ARHGAP25: variants seen among roughly 807,000 people sequenced by gnomAD.
ARHGAP25 encodes the protein rho GTPase-activating protein 25.
Under a neutral mutation model 71.0 loss-of-function variants are expected in ARHGAP25, and 34 were observed. That is an observed-to-expected ratio of 0.48 (90% CI 0.36 to 0.64). ARHGAP25 has a LOEUF of 0.64. Ranked by LOEUF, ARHGAP25 falls within the 30% of genes least tolerant of loss-of-function variation. ARHGAP25 has a pLI of 0.00. For missense variants in ARHGAP25, 706 were observed against 805.1 expected, an observed-to-expected ratio of 0.88 and a Z score of 1.49; for synonymous variants, 282 against 296.5, an observed-to-expected ratio of 0.95 and a Z score of 0.50.
At chr2:68,771,554 C>A (rs1051459237) in intron 1 of ARHGAP25, among the ~76,000 whole-genome samples, 1 of 152,166 alleles carries the variant, frequency 6.6e-6, no homozygotes, top group African/African-American at 2.4e-5. Flanking sequence ...GGCCCCCAGA[C>A]TTTCTTCTCT....
intron 6 of ARHGAP25, among the ~76,000 whole-genome samples, chr2:68,815,996 T>C (rs1681198744): frequency 1.3e-5 from 2 of 152,144 alleles, no homozygotes; most frequent in Admixed American, 1.3e-4. Flanking sequence ...AACGTATGAG[T>C]TGTTAAACAG....
chr2:68,733,984 C>G (rs1197622413), upstream of ARHGAP25, among the ~76,000 whole-genome samples: 2 of 152,180 alleles, frequency 1.3e-5, no homozygotes, highest in African/African-American at 4.8e-5. Flanking sequence ...AGCAGGAAAG[C>G]CAGGATTTGA....
At chr2:68,790,535 A>G (rs1022408032) in intron 4 of ARHGAP25, among the ~76,000 whole-genome samples, 2 of 152,204 alleles carry the variant, frequency 1.3e-5, no homozygotes, top group Non-Finnish European at 2.9e-5. Flanking sequence ...TGGGTTGACT[A>G]GATGGGAAAG....
At chr2:68,727,006 A>G (rs1297496090) in intron 2 of ARHGAP25, among the ~76,000 whole-genome samples, 1 of 152,174 alleles carries the variant, frequency 6.6e-6, no homozygotes, top group Non-Finnish European at 1.5e-5. Flanking sequence ...TTTTAAAAAG[A>G]TATAGACTAT....
In ARHGAP25 at chr2:68,738,908, T is replaced by C. The variant is rs973352319; in HGVS notation, c.61+3648T>C. ...GGGAGCTGTTCCTTCCAGGGCCCAC[T>C]CTATTTTTATGCAGAGGTTACATTG... is the stretch of plus-strand genomic sequence containing the variant. On this transcript the variant is annotated intron_variant, in intron 1 of 10. Coordinates refer to ENST00000409202, the MANE Select transcript of ARHGAP25 (RefSeq NM_001007231.3). Among the ~76,000 whole-genome samples the C allele has an allele frequency of 7.2e-5, 11 of 151,962 alleles. No individual in the cohort carries two copies. The South Asian group carries it at 2.3e-3, about 32-fold the overall frequency.
chr2:68,740,731 A>G (rs1464043821), intron 1 of ARHGAP25, among the ~76,000 whole-genome samples: 2 of 152,234 alleles, frequency 1.3e-5, no homozygotes, highest in Non-Finnish European at 2.9e-5. Flanking sequence ...CTGAACATGC[A>G]TATATGAGTC....
In ARHGAP25 at chr2:68,735,103, A is replaced by C; in HGVS notation, c.-97A>C. On this transcript the variant is annotated 5_prime_UTR_variant, in exon 1 of 11. Coordinates refer to ENST00000409202, the MANE Select transcript of ARHGAP25 (RefSeq NM_001007231.3). ...AGCAATCATAAGGAGGAACAAAAAC[A>C]GACACAAAAACAGAGGGAAAGAGTG... 9.2e-7 allele frequency: 1 copy of C among 1,083,112 alleles called. No homozygotes were observed. Among genetic ancestry groups the C allele is most frequent in the Admixed American group, 1.7e-5 (1 of 58,624 alleles). The allele number at this position is 1,083,112 out of a possible 1,614,324, so 67.1% of individuals were successfully genotyped here.
chr2:68,792,702 A>G (rs10188262), intron 4 of ARHGAP25, among the ~76,000 whole-genome samples: 4,626 of 152,262 alleles, frequency 0.03, 246 homozygotes, highest in African/African-American at 0.1. Context: ...TTGATTCCAT[A>G]TCTTTGCCAT....
intron 2 of ARHGAP25, among the ~76,000 whole-genome samples, chr2:68,719,862 C>T (rs1230613930): frequency 1.3e-5 from 2 of 152,138 alleles, no homozygotes; most frequent in African/African-American, 2.4e-5. Context: ...TGGGTCCCAG[C>T]CTCTGACCTT....
intron 1 of ARHGAP25, among the ~76,000 whole-genome samples, chr2:68,761,578 C>G (rs1163547655): frequency 2.6e-5 from 4 of 151,884 alleles, no homozygotes; most frequent in Non-Finnish European, 5.9e-5. Context: ...GGGCAAAGGA[C>G]TCAAATAGAC....
Position 68,734,914 on chromosome 2 carries a change from A to G in ARHGAP25, c.-286A>G. 1 of 463,082 alleles carries G rather than the reference A, an allele frequency of 2.2e-6. No individual in the cohort carries two copies. Among genetic ancestry groups the G allele is most frequent in the East Asian group, 3.6e-5 (1 of 27,716 alleles). 28.7% of individuals were successfully genotyped at this position (463,082 alleles called of 1,614,324 possible). On this transcript the variant is annotated 5_prime_UTR_variant, in exon 1 of 11. Coordinates refer to ENST00000409202, the MANE Select transcript of ARHGAP25 (RefSeq NM_001007231.3). ...AAGTGTCAACTGGGATATTTCTGGTAAAACTGAAAGCAAGAAAAGCAGGGT... is the reference window on the plus strand; with the variant it reads ...AAGTGTCAACTGGGATATTTCTGGTGAAACTGAAAGCAAGAAAAGCAGGGT...
At chr2:68,786,498 T>G (rs1230283570) in intron 3 of ARHGAP25, among the ~76,000 whole-genome samples, 1 of 152,206 alleles carries the variant, frequency 6.6e-6, no homozygotes, top group African/African-American at 2.4e-5. Context: ...TACTAACTCC[T>G]TATTCTATTT....
chr2:68,815,608 G>A (rs549731415), intron 6 of ARHGAP25, among the ~76,000 whole-genome samples: 29 of 152,006 alleles, frequency 1.9e-4, no homozygotes, highest in African/African-American at 6.8e-4. Context: ...CCGCCACCAC[G>A]CCCGGCTAGT....
rs764978720 is a variant in ARHGAP25 at position 68,807,357 on chromosome 2, G to C, written c.551G>C (p.Cys184Ser). Residue 184 changes from cysteine (C) to serine (S), a missense_variant, in exon 5 of 11, where the codon TGT becomes TCT. Cys to Ser is a moderately radical substitution (Grantham distance 112, BLOSUM62 -1). Transcript: ENST00000409202. The stretch of plus-strand genomic sequence containing the variant: ...CTGGTGCCCATCCTGGTGGAGAAAT[G>C]TGCAGAGTTCATCCTGGAGCACGGC... ...PHLVPILVEK[C>S]AEFILEHGRN... 1 of 1,614,228 alleles carries C rather than the reference G, an allele frequency of 6.2e-7. No individual in the cohort carries two copies. Among genetic ancestry groups the C allele is most frequent in the South Asian group, 1.1e-5 (1 of 91,088 alleles).
At chr2:68,748,846 C>G (rs1450620843) in intron 1 of ARHGAP25, among the ~76,000 whole-genome samples, 2 of 152,182 alleles carry the variant, frequency 1.3e-5, no homozygotes, top group Non-Finnish European at 2.9e-5. Context: ...AGGGGTATGT[C>G]TTGCTCCTAT....
intron 4 of ARHGAP25, among the ~76,000 whole-genome samples, chr2:68,799,573 G>A (rs1679816872): frequency 6.6e-6 from 1 of 152,174 alleles, no homozygotes; most frequent in African/African-American, 2.4e-5. Context: ...AAGGGTTCCC[G>A]CGTGGGATTT....
chr2:68,823,848 G>A (rs1240175231), intron 10 of ARHGAP25, among the ~76,000 whole-genome samples: 3 of 152,202 alleles, frequency 2.0e-5, no homozygotes, highest in Non-Finnish European at 4.4e-5. Context: ...CACACAATTT[G>A]TTCTCTTGGG....
intron 8 of ARHGAP25, among the ~76,000 whole-genome samples, chr2:68,818,262 C>CT (rs1424664571): frequency 2.0e-5 from 3 of 152,172 alleles, no homozygotes; most frequent in Non-Finnish European, 4.4e-5. Context: ...GTTTGTCAGT[C>CT]TTTTATTACT....
At chr2:68,716,514 G>A (rs1425683892) in intron 2 of ARHGAP25, among the ~76,000 whole-genome samples, 3 of 152,200 alleles carry the variant, frequency 2.0e-5, no homozygotes, top group African/African-American at 7.2e-5. Flanking sequence ...CAGAGCTCCT[G>A]AGTTTGCCCT....
Sources: allele counts gnomAD v4.1 joint callset (sites outside exome capture counted in the v4.1 genomes callset), GRCh38; gene constraint gnomAD v4.1.1; transcripts MANE v1.5; gene names NCBI Gene and HGNC (gene_info 2026-07-23, HGNC 2026-07-21).